The following CFAP46 variants were observed in gnomAD, a reference collection of about 807,000 sequenced individuals.
CFAP46 encodes cilia- and flagella-associated protein 46.
Under a neutral mutation model 325.7 loss-of-function variants are expected in CFAP46, and 245 were observed. The observed-to-expected ratio is 0.75, with a 90% CI of 0.68 to 0.84. The LOEUF is 0.84. CFAP46 is among the 40% of genes least tolerant of loss of function. The pLI is 0.00. For synonymous variants in CFAP46, 1,523 were observed against 1,495.9 expected (o/e 1.02, Z -0.42); for missense variants, 3,346 against 3,543.0 (o/e 0.94, Z 1.41).
chr10:132,845,221 G>T (rs1848414289), intron 44 of CFAP46, among the ~76,000 whole-genome samples: 1 of 152,208 alleles, frequency 6.6e-6, no homozygotes, highest in South Asian at 2.1e-4. Context: ...GGGCCTGCAG[G>T]CCCCTTGCCT....
rs557327159 is a variant in CFAP46 at position 132,880,851 on chromosome 10, G to A, written c.3799+10C>T. Reference sequence around the variant, plus strand: ...GTGGGGTCGGCACCCTGCCAGCGGCGTGGGCTCACCATCCGGCGTGGGCTG... The same window carrying A: ...GTGGGGTCGGCACCCTGCCAGCGGCATGGGCTCACCATCCGGCGTGGGCTG... On this transcript the variant is annotated intron_variant, in intron 28 of 57. Coordinates refer to ENST00000368586, the MANE Select transcript of CFAP46 (RefSeq NM_001200049.3). The A allele has an allele frequency of 2.3e-5, 35 of 1,544,148 alleles. 1 individual carries two copies. The highest frequency in any genetic ancestry group is 1.9e-4 in the South Asian group (16 of 83,938).
rs146831458 is a variant in CFAP46 at position 132,932,663 on chromosome 10, G to A, written c.866+2089C>T. Among the ~76,000 whole-genome samples the A allele has an allele frequency of 1.8e-4, 23 of 131,270 alleles. No homozygotes were observed. The East Asian group carries it at 4.4e-3, about 25-fold the overall frequency. 86.1% of individuals were successfully genotyped at this position (131,270 alleles called of 152,430 possible). A position where few individuals can be genotyped will look rare whatever the true frequency, so the allele number is the denominator to read the frequency against. ...CACAGAGCCTGGGCCTTCCTACCATGCGACAAGCCCGTAGGCGTGCCGCCA... is the reference window on the plus strand; with the variant it reads ...CACAGAGCCTGGGCCTTCCTACCATACGACAAGCCCGTAGGCGTGCCGCCA... On this transcript the variant is annotated intron_variant, in intron 8 of 57. Coordinates refer to ENST00000368586, the MANE Select transcript of CFAP46 (RefSeq NM_001200049.3).
chr10:132,840,084 G>A (rs1848325124), intron 44 of CFAP46, among the ~76,000 whole-genome samples: 1 of 152,228 alleles, frequency 6.6e-6, no homozygotes, highest in South Asian at 2.1e-4. Flanking sequence ...TACTGGTGAA[G>A]CCAGTGGGGT....
At position 132,879,542 on chromosome 10, in the gene CFAP46, G is replaced by A; in HGVS notation, c.3889C>T (p.Gln1297Ter). ...TGCACGCGGGCCAGCGCCTCCAGCT[G>A]CCGCACGCTACGCAGCTGCTCCAAG... Reference protein sequence around the residue: ...VSLEQLRSVRQLEALARVHIL... With the variant: ...VSLEQLRSVR The change falls in exon 29 of 58, where the codon CAG becomes TAG. Residue 1297 changes from glutamine (Q) to a stop codon, truncating the protein, a stop_gained. Transcript: ENST00000368586. LOFTEE classifies it high-confidence loss of function. The A allele has an allele frequency of 6.5e-7, 1 of 1,547,406 alleles. No homozygotes were observed. Among genetic ancestry groups the A allele is most frequent in the Non-Finnish European group, 8.7e-7 (1 of 1,146,112 alleles).
At chr10:132,906,105 G>C (rs1444623353) in intron 22 of CFAP46, among the ~76,000 whole-genome samples, 2 of 152,246 alleles carry the variant, frequency 1.3e-5, no homozygotes, top group African/African-American at 4.8e-5. Flanking sequence ...TGTTGGCAAA[G>C]AGAAAACAGC....
At chr10:132,916,525 A>G (rs1849641354) in intron 17 of CFAP46, 24 bp downstream of exon 17, 2 of 1,543,534 alleles carry the variant, frequency 1.3e-6, no homozygotes, top group Non-Finnish European at 1.7e-6. Context: ...GGCGGTGCTC[A>G]AGGCCACTGT....
rs1278766066 is a variant in CFAP46, at chr10:132,924,798, G to A, written c.1154C>T (p.Ala385Val). Residue 385 changes from alanine to valine, a missense_variant, in exon 11 of 58, where the codon GCC becomes GTC. Ala to Val is a moderately conservative substitution (Grantham distance 64). Coordinates refer to ENST00000368586, the MANE Select transcript of CFAP46 (RefSeq NM_001200049.3). Reference protein sequence around the residue: ...GDPRVIHVVCATQWNTCLPLL... With the variant: ...GDPRVIHVVCVTQWNTCLPLL... ...GGGCAGGCAGGTGTTCCACTGCGTG[G>A]CGCACACCACGTGGATGACCCGGGG... 10 of 1,509,086 alleles carry A rather than the reference G, an allele frequency of 6.6e-6. No individual in the cohort carries two copies. In the East Asian group the frequency reaches 2.6e-4, roughly 39 times the overall value. 93.5% of individuals were successfully genotyped at this position (1,509,086 alleles called of 1,614,324 possible).
At chr10:132,855,175 T>C (rs1234959196) in intron 39 of CFAP46, among the ~76,000 whole-genome samples, 1 of 138,584 alleles carries the variant, frequency 7.2e-6, no homozygotes, top group Non-Finnish European at 1.6e-5. Flanking sequence ...AATTTTATTT[T>C]ATCAGTTTTT....
Position 132,919,340 on chromosome 10 carries a change from C to A in CFAP46, c.1833G>T (p.Lys611Asn). The change falls in exon 15 of 58, where the codon AAG becomes AAT. Residue 611 changes from lysine (K) to asparagine (N), a missense_variant. Lys to Asn is a moderately conservative substitution (Grantham distance 94). Coordinates refer to ENST00000368586, the MANE Select transcript of CFAP46 (RefSeq NM_001200049.3). The surrounding 1 kb of genome is among the most constrained non-coding windows in gnomAD (Gnocchi z 9.7). ...SRFCLLYDNV[K>N]VKKLRLRRGK... ...CTCGCCGCAGCCTCAACTTCTTCAC[C>A]TTGACGTTGTCATACAGGAGGCAGA... is the stretch of plus-strand genomic sequence containing the variant. 6.5e-7 allele frequency: 1 copy of A among 1,550,204 alleles called. No homozygotes were observed. Among genetic ancestry groups the A allele is most frequent in the Non-Finnish European group, 8.7e-7 (1 of 1,146,890 alleles).
rs371645803 is a variant in CFAP46, at chr10:132,850,340, G to A, written c.5856C>T (p.Arg1952=). 33 of 1,555,920 alleles carry A rather than the reference G, an allele frequency of 2.1e-5. No individual in the cohort carries two copies. The highest frequency in any genetic ancestry group is 2.0e-4 in the African/African-American group (15 of 73,324). ...TCCCGGCCAGGCCCAGGAGCCGGGC[G>A]CGGATCTCCACACAGCCCACGCTCA... ...QPLSVGCVEI[R]ARLLGLAGRA... Residue 1952 remains arginine, a synonymous_variant, in exon 41 of 58, where the codon CGC becomes CGT. Coordinates refer to ENST00000368586, the MANE Select transcript of CFAP46 (RefSeq NM_001200049.3).
At chr10:132,840,327 G>A (rs916283545) in intron 44 of CFAP46, among the ~76,000 whole-genome samples, 1 of 152,200 alleles carries the variant, frequency 6.6e-6, no homozygotes, top group African/African-American at 2.4e-5. Flanking sequence ...ACTGATACTG[G>A]AAACTTGCCT....
rs1341957343 is a variant in CFAP46 at position 132,884,979 on chromosome 10, C to T, written c.3627+124G>A. 8.5e-6 allele frequency: 9 copies of T among 1,053,764 alleles called. No individual in the cohort carries two copies. The highest frequency in any genetic ancestry group is 5.3e-5 in the East Asian group (2 of 37,612). The allele number at this position is 1,053,764 out of a possible 1,614,324, so 65.3% of individuals were successfully genotyped here. On this transcript the variant is annotated intron_variant, in intron 27 of 57. Transcript: ENST00000368586. This position sits in a 1 kb window ranked among gnomAD's most constrained non-coding sequence, Gnocchi z 5.4. ...GGCCACGCGGTGCATTCTCTGTGCC[C>T]GTCAGCTGTGGCTGCTCTGCGTGCT...
chr10:132,816,012 T>G (rs1847686199), intron 50 of CFAP46, among the ~76,000 whole-genome samples: 1 of 152,196 alleles, frequency 6.6e-6, no homozygotes, highest in African/African-American at 2.4e-5. Context: ...ACATATTTTT[T>G]GTGGGAAGAC....
chr10:132,933,969 C>T (rs879324386), intron 8 of CFAP46, among the ~76,000 whole-genome samples: 12 of 152,184 alleles, frequency 7.9e-5, no homozygotes, highest in Admixed American at 6.5e-4. Flanking sequence ...AGGTTCCCAT[C>T]CCGCAGACAC....
At chr10:132,928,099 C>T (rs563037515) in intron 9 of CFAP46, among the ~76,000 whole-genome samples, 5 of 152,312 alleles carry the variant, frequency 3.3e-5, no homozygotes, top group African/African-American at 4.8e-5. Flanking sequence ...AGCGACCCCA[C>T]GTCAGCAGGG....
intron 39 of CFAP46, among the ~76,000 whole-genome samples, chr10:132,855,562 G>C (rs1185703559): frequency 6.6e-6 from 1 of 152,130 alleles, no homozygotes; most frequent in African/African-American, 2.4e-5. Flanking sequence ...TCATCTTGCT[G>C]TTTATTTTCT....
At chr10:132,873,525 A>ATCCAGG in intron 31 of CFAP46, among the ~76,000 whole-genome samples, 2 of 152,120 alleles carry the variant, frequency 1.3e-5, no homozygotes, top group African/African-American at 2.4e-5. Flanking sequence ...GCACTGAGGC[A>ATCCAGG]GCTGAGGGCC....
rs563914458 is a variant in CFAP46 at position 132,850,175 on chromosome 10, C to T, written c.5952+69G>A. On this transcript the variant is annotated intron_variant, in intron 41 of 57. Transcript: ENST00000368586. ...GCAATCACAGGAGTCCTAAACACTT[C>T]GCTTGTGTTTTTCAGGCACGGGTGA... 7.7e-5 allele frequency: 112 copies of T among 1,463,622 alleles called. No individual in the cohort carries two copies. The African/African-American group carries it at 1.3e-3, about 16-fold the overall frequency. 90.7% of individuals were successfully genotyped at this position (1,463,622 alleles called of 1,614,324 possible).
intron 50 of CFAP46, among the ~76,000 whole-genome samples, chr10:132,831,063 G>T (rs182844601): frequency 1.7e-3 from 253 of 152,140 alleles, no homozygotes; most frequent in African/African-American, 4.5e-3. Flanking sequence ...AGCATATTTA[G>T]TTTCCAAGTG....
Sources: gnomAD v4.1 joint callset for allele counts (sites outside exome capture counted in the v4.1 genomes callset) on GRCh38, gnomAD v4.1.1 for gene constraint, Gnocchi (gnomAD v3.1) non-coding constraint, MANE v1.5 for transcripts, NCBI Gene and HGNC (gene_info 2026-07-23, HGNC 2026-07-21) for gene names.